The following CDH18 variants were observed in gnomAD, a reference collection of about 807,000 sequenced individuals.
The protein encoded by CDH18 is cadherin 18, also known as cadherin-18.
In CDH18, 31 loss-of-function variants were observed where a neutral mutation model predicts 67.9. The observed-to-expected ratio is 0.46, with a 90% CI of 0.34 to 0.62. The LOEUF (loss-of-function observed/expected upper bound fraction) is 0.62. Among genes scored for constraint, CDH18 ranks in the 20% least tolerant of loss-of-function variants. The probability of loss-of-function intolerance (pLI) is 0.01; values close to 1 mark genes in which losing one functional copy is unlikely to be tolerated. For missense variants in CDH18, 890 were observed against 975.5 expected, an observed-to-expected ratio of 0.91 and a Z score of 1.17; for synonymous variants, 362 against 347.2, an observed-to-expected ratio of 1.04 and a Z score of -0.48.
At chr5:19,869,028 G>A (rs539196181) in intron 2 of CDH18, among the ~76,000 whole-genome samples, 117 of 152,214 alleles carry the variant, frequency 7.7e-4, no homozygotes, top group African/African-American at 2.7e-3. Flanking sequence ...GACAAAATAA[G>A]TAGAAGTGAC....
At chr5:19,589,575 G>A (rs1374470703) in intron 7 of CDH18, among the ~76,000 whole-genome samples, 3 of 151,988 alleles carry the variant, frequency 2.0e-5, no homozygotes, top group Non-Finnish European at 4.4e-5. Flanking sequence ...GCTAGATGTT[G>A]GGAATGCAGT....
chr5:20,267,760 C>A (rs959657080), intron 1 of CDH18, among the ~76,000 whole-genome samples: 3 of 152,110 alleles, frequency 2.0e-5, no homozygotes, highest in Non-Finnish European at 2.9e-5. Context: ...TACCCTGAAA[C>A]ATAACTGAAT....
Position 19,554,166 on chromosome 5 carries a change from A to G in CDH18, c.1254-10161T>C, listed in dbSNP as rs577403633. On this transcript the variant is annotated intron_variant, in intron 8 of 12. Transcript: ENST00000382275. ...ACACATGGCACATAGATATTTGCGG[A>G]TACTTTTTAACCTCCTGAATCAAAA... Among the ~76,000 whole-genome samples the G allele has an allele frequency of 3.6e-3, 554 of 152,280 alleles. 3 individuals carry two copies. Among genetic ancestry groups the G allele is most frequent in the Middle Eastern group, 6.8e-3 (2 of 294 alleles).
intron 2 of CDH18, among the ~76,000 whole-genome samples, chr5:20,194,000 A>C (rs569394047): frequency 2.0e-5 from 3 of 152,288 alleles, no homozygotes; most frequent in African/African-American, 7.2e-5. Flanking sequence ...ATCATACTGA[A>C]TGAGCAAAAG....
At chr5:19,750,606 T>A (rs995637874) in intron 3 of CDH18, among the ~76,000 whole-genome samples, 1 of 152,096 alleles carries the variant, frequency 6.6e-6, no homozygotes, top group African/African-American at 2.4e-5. Flanking sequence ...ATACTCCATA[T>A]ATAGACATGG....
At chr5:20,531,803 G>T (rs901193126) in intron 1 of CDH18, among the ~76,000 whole-genome samples, 4 of 152,014 alleles carry the variant, frequency 2.6e-5, no homozygotes, top group Non-Finnish European at 1.5e-5. Context: ...TTAATATCTA[G>T]GTGATGGGTA....
chr5:19,535,851 G>A (rs1254355563), intron 9 of CDH18, among the ~76,000 whole-genome samples: 3 of 152,076 alleles, frequency 2.0e-5, no homozygotes, highest in Admixed American at 6.6e-5. Context: ...CCCAAACTTT[G>A]GCTCTTTTGG....
rs1749167728 is a variant in CDH18, at chr5:19,534,803, T to C, written c.1390+9066A>G. Among the ~76,000 whole-genome samples, 3 of 152,074 alleles carry C rather than the reference T, an allele frequency of 2.0e-5. No individual in the cohort carries two copies. The South Asian group carries it at 6.2e-4, about 32-fold the overall frequency. On this transcript the variant is annotated intron_variant, in intron 9 of 12. Coordinates refer to ENST00000382275, the MANE Select transcript of CDH18 (RefSeq NM_004934.5). Reference sequence around the variant, plus strand: ...AAATACAATATTGCAGAAGTAACAATGTGTAATTTCTGAGGCTAGGTCATA... The same window carrying C: ...AAATACAATATTGCAGAAGTAACAACGTGTAATTTCTGAGGCTAGGTCATA...
At chr5:19,943,936 T>C (rs984413218) in intron 2 of CDH18, among the ~76,000 whole-genome samples, 2 of 152,082 alleles carry the variant, frequency 1.3e-5, no homozygotes, top group African/African-American at 4.8e-5. Context: ...CAAAAATCAG[T>C]AGTTACATGT....
At chr5:19,727,569 C>T (rs2150611243) in intron 4 of CDH18, among the ~76,000 whole-genome samples, 1 of 152,246 alleles carries the variant, frequency 6.6e-6, no homozygotes, top group East Asian at 1.9e-4. Context: ...TAATACATTT[C>T]TGTTGTGTCA....
chr5:19,491,311 T>C (rs1741435203), intron 11 of CDH18, among the ~76,000 whole-genome samples: 1 of 152,174 alleles, frequency 6.6e-6, no homozygotes, highest in Non-Finnish European at 1.5e-5. Context: ...TTATTTTGTT[T>C]AGGAATGTGA....
At chr5:20,379,888 C>A (rs543658995) in intron 1 of CDH18, among the ~76,000 whole-genome samples, 2 of 151,682 alleles carry the variant, frequency 1.3e-5, no homozygotes, top group Admixed American at 1.3e-4. Context: ...AGGTTGTGAC[C>A]CCAATCACTG....
Position 19,473,510 on chromosome 5 carries a change from G to A in CDH18, c.2089C>T (p.Leu697Phe). The A allele has an allele frequency of 1.2e-6, 2 of 1,613,584 alleles. No homozygotes were observed. Among genetic ancestry groups the A allele is most frequent in the Non-Finnish European group, 1.7e-6 (2 of 1,179,682 alleles). ...GATGATGTCTGGTGTCTGGGAGTGAGCTTCACTTCAGGTCTGATATCCCTC... is the reference window on the plus strand; with the variant it reads ...GATGATGTCTGGTGTCTGGGAGTGAACTTCACTTCAGGTCTGATATCCCTC... ...YRRDIRPEVK[L>F]TPRHQTSSTL... The change falls in exon 13 of 13, where the codon CTC (leucine) becomes TTC (phenylalanine). Residue 697 changes from leucine (L) to phenylalanine (F), a missense_variant. Leu to Phe is a conservative substitution (Grantham distance 22). Coordinates refer to ENST00000382275, the MANE Select transcript of CDH18 (RefSeq NM_004934.5).
chr5:20,297,875 G>A (rs923012109), intron 1 of CDH18, among the ~76,000 whole-genome samples: 47 of 152,140 alleles, frequency 3.1e-4, no homozygotes, highest in African/African-American at 1.1e-3. Context: ...TCCAGAAGTA[G>A]TTTCCTCTCA....
At chr5:19,959,272 T>C (rs1796566945) in intron 2 of CDH18, among the ~76,000 whole-genome samples, 1 of 151,990 alleles carries the variant, frequency 6.6e-6, no homozygotes, top group African/African-American at 2.4e-5. Flanking sequence ...TGAGTGTGTG[T>C]AAAACTATTA....
chr5:19,609,139 TA>T (rs1345566118), intron 6 of CDH18, among the ~76,000 whole-genome samples: 3 of 151,950 alleles, frequency 2.0e-5, no homozygotes, highest in Non-Finnish European at 4.4e-5. Flanking sequence ...AGATTACCTT[TA>T]ATGAAAGAAC....
intron 2 of CDH18, among the ~76,000 whole-genome samples, chr5:19,898,674 T>G (rs1789614015): frequency 6.6e-6 from 1 of 151,922 alleles, no homozygotes; most frequent in Admixed American, 6.6e-5. Context: ...CATTACTAAG[T>G]GAAACAGCAG....
intron 2 of CDH18, among the ~76,000 whole-genome samples, chr5:19,944,375 A>C (rs1387579490): frequency 2.0e-5 from 3 of 152,118 alleles, no homozygotes; most frequent in African/African-American, 7.2e-5. Context: ...AAACTCAGAA[A>C]AACCTAAGTC....
intron 7 of CDH18, among the ~76,000 whole-genome samples, chr5:19,581,491 T>A (rs963080091): frequency 6.6e-6 from 1 of 151,978 alleles, no homozygotes; most frequent in African/African-American, 2.4e-5. Context: ...CCATTATAAA[T>A]ACAAGGATAT....
Sources: gnomAD v4.1 joint callset for allele counts (sites outside exome capture counted in the v4.1 genomes callset) on GRCh38, gnomAD v4.1.1 for gene constraint, MANE v1.5 for transcripts, NCBI Gene and HGNC (gene_info 2026-07-23, HGNC 2026-07-21) for gene names.